The following CCDC91 variants were observed in gnomAD, a reference collection of about 807,000 sequenced individuals.
The protein encoded by CCDC91 is coiled-coil domain containing 91, also known as coiled-coil domain-containing protein 91.
In CCDC91, 48 loss-of-function variants were observed where a neutral mutation model predicts 63.2. The observed-to-expected ratio is 0.76, with a 90% CI of 0.60 to 0.97. The LOEUF is 0.97. Among genes scored for constraint, CCDC91 ranks in the 50% least tolerant of loss-of-function variants. The pLI is 0.00. For synonymous variants in CCDC91, 167 were observed against 165.8 expected (o/e 1.01, Z -0.06); for missense variants, 500 against 494.6 (o/e 1.01, Z -0.10).
intron 3 of CCDC91, among the ~76,000 whole-genome samples, chr12:28,269,533 G>A (rs534812743): frequency 1.9e-4 from 29 of 152,026 alleles, no homozygotes; most frequent in African/African-American, 6.8e-4. Context: ...TCCACTCTCA[G>A]TGTCTGCTCC....
chr12:28,547,786 G>A (rs1269828729), intron 12 of CCDC91, among the ~76,000 whole-genome samples: 1 of 152,048 alleles, frequency 6.6e-6, no homozygotes, highest in Non-Finnish European at 1.5e-5. Flanking sequence ...TTAATTCTTA[G>A]AATATTTCAA....
At chr12:28,197,405 G>C (rs943753568) in intron 1 of CCDC91, among the ~76,000 whole-genome samples, 1 of 152,038 alleles carries the variant, frequency 6.6e-6, no homozygotes, top group African/African-American at 2.4e-5. Context: ...TATACCACCT[G>C]TGCTCTTCTT....
chr12:28,449,714 T>A (rs1266287172), intron 8 of CCDC91, among the ~76,000 whole-genome samples: 2 of 152,040 alleles, frequency 1.3e-5, no homozygotes, highest in Non-Finnish European at 2.9e-5. Context: ...CAATTTTTTT[T>A]AACAATGCCT....
chr12:28,429,290 T>G (rs1430424781), intron 8 of CCDC91, among the ~76,000 whole-genome samples: 1 of 152,202 alleles, frequency 6.6e-6, no homozygotes, highest in Non-Finnish European at 1.5e-5. Flanking sequence ...CAGTCAAGTT[T>G]TAATCCAGTA....
In CCDC91 at chr12:28,441,726, T is replaced by TCA. The variant is rs532658357; in HGVS notation, c.763-8434_763-8433dup. Among the ~76,000 whole-genome samples the TCA allele has an allele frequency of 0.015, 189 of 13,000 alleles. 1 individual carries two copies. In the African/African-American group the frequency reaches 0.17, roughly 12 times the overall value. 8.5% of individuals were successfully genotyped at this position (13,000 alleles called of 152,430 possible). A position where few individuals can be genotyped will look rare whatever the true frequency, so the allele number is the denominator to read the frequency against. ...CTCTCATATATATATCTCATATATA[T>TCA]CATATATCTCATATATATATCTCAT... On this transcript the variant is annotated intron_variant, in intron 8 of 12. Transcript: ENST00000536442.
intron 3 of CCDC91, among the ~76,000 whole-genome samples, chr12:28,284,238 T>C (rs1463689351): frequency 1.9e-4 from 29 of 152,216 alleles, no homozygotes. Context: ...GCTAAAATTT[T>C]AGTGTGCACA....
chr12:28,514,516 C>T (rs1330594436), intron 12 of CCDC91, among the ~76,000 whole-genome samples: 2 of 150,572 alleles, frequency 1.3e-5, no homozygotes, highest in African/African-American at 4.9e-5. Flanking sequence ...TCAATTTTTG[C>T]TTTGGTTGTA....
chr12:28,355,396 A>T (rs187699613), intron 6 of CCDC91, among the ~76,000 whole-genome samples: 67 of 152,274 alleles, frequency 4.4e-4, no homozygotes, highest in South Asian at 2.9e-3. Flanking sequence ...TTTGGCCTTC[A>T]TTCTTTGACA....
intron 1 of CCDC91, among the ~76,000 whole-genome samples, chr12:28,248,063 G>A (rs547315934): frequency 9.9e-5 from 15 of 152,244 alleles, no homozygotes; most frequent in East Asian, 3.9e-4. Context: ...GTGTCCGCGG[G>A]TTGGGGACCC....
chr12:28,261,489 C>G (rs765972497), intron 3 of CCDC91, among the ~76,000 whole-genome samples: 5 of 151,842 alleles, frequency 3.3e-5, no homozygotes, highest in Non-Finnish European at 7.4e-5. Flanking sequence ...TTCAAAGAAG[C>G]TATGGGCACT....
In CCDC91 at chr12:28,423,402, G is replaced by A. The variant is rs547447378; in HGVS notation, c.763-26759G>A. ...GAACAAAAGTATGAAATATACGGGG[G>A]ACAAAGGCATTAGAGAAATAATTGG... On this transcript the variant is annotated intron_variant, in intron 8 of 12. Coordinates refer to ENST00000536442, the MANE Select transcript of CCDC91 (RefSeq NM_018318.5). Among the ~76,000 whole-genome samples the A allele has an allele frequency of 3.9e-5, 6 of 152,114 alleles. No homozygotes were observed. In the East Asian group the frequency reaches 1.2e-3, roughly 29 times the overall value.
intron 11 of CCDC91, among the ~76,000 whole-genome samples, chr12:28,461,216 A>G (rs1400357099): frequency 1.3e-5 from 2 of 152,094 alleles, no homozygotes; most frequent in East Asian, 3.8e-4. Context: ...CTATGACTGT[A>G]CAAACTGAAA....
intron 11 of CCDC91, among the ~76,000 whole-genome samples, chr12:28,460,791 CTGTA>C (rs931936099): frequency 3.6e-5 from 5 of 140,784 alleles, no homozygotes; most frequent in Admixed American, 6.9e-5. Context: ...ATAAATATAT[CTGTA>C]TGTGTGTGTG....
intron 7 of CCDC91, among the ~76,000 whole-genome samples, chr12:28,389,953 C>T (rs1390988063): frequency 3.3e-5 from 5 of 152,040 alleles, no homozygotes; most frequent in Admixed American, 2.6e-4. Flanking sequence ...ATAAATTAAT[C>T]ATTGTGGAAT....
intron 6 of CCDC91, among the ~76,000 whole-genome samples, chr12:28,347,204 A>G (rs897738205): frequency 4.6e-5 from 7 of 152,194 alleles, no homozygotes; most frequent in Non-Finnish European, 1.0e-4. Context: ...CTCAGATTCC[A>G]GAAGCAGAAG....
intron 12 of CCDC91, among the ~76,000 whole-genome samples, chr12:28,530,213 C>CTTCT (rs902963625): frequency 6.6e-6 from 1 of 152,132 alleles, no homozygotes; most frequent in African/African-American, 2.4e-5. Flanking sequence ...AGCAATAAGG[C>CTTCT]TTCTACCTAC....
intron 1 of CCDC91, among the ~76,000 whole-genome samples, chr12:28,193,992 G>A (rs755994827): frequency 1.3e-5 from 2 of 152,176 alleles, no homozygotes; most frequent in Non-Finnish European, 2.9e-5. Flanking sequence ...TGAGTCTGTA[G>A]TTTGTCCTTT....
chr12:28,412,404 G>A (rs1361795371), intron 8 of CCDC91, among the ~76,000 whole-genome samples: 1 of 152,188 alleles, frequency 6.6e-6, no homozygotes, highest in African/African-American at 2.4e-5. Flanking sequence ...GCAGATACAG[G>A]AAAGCTCTCT....
chr12:28,370,267 G>A (rs767052548), intron 7 of CCDC91, among the ~76,000 whole-genome samples: 1 of 152,170 alleles, frequency 6.6e-6, no homozygotes, highest in South Asian at 2.1e-4. Flanking sequence ...CTTCTAGAAT[G>A]CTTTGCTGCT....
Sources: allele counts gnomAD v4.1 joint callset (sites outside exome capture counted in the v4.1 genomes callset), GRCh38; gene constraint gnomAD v4.1.1; transcripts MANE v1.5; gene names NCBI Gene and HGNC (gene_info 2026-07-23, HGNC 2026-07-21).